Variants in CCDC40 observed in about 807,000 individuals in gnomAD.
CCDC40 encodes coiled-coil domain 40 molecular ruler complex subunit.
CCDC40 carries 104 observed loss-of-function variants against 124.5 expected under a neutral mutation model. The ratio of observed to expected loss-of-function variants is 0.84; its 90% CI spans 0.71 to 0.98. CCDC40 has a LOEUF of 0.98. Ranked by LOEUF, CCDC40 falls within the 50% of genes least tolerant of loss-of-function variation. The pLI, the probability that CCDC40 is intolerant of heterozygous loss-of-function variation, is 0.00. For synonymous variants in CCDC40, 580 were observed against 602.9 expected (o/e 0.96, Z 0.56); for missense variants, 1,463 against 1,503.9 (o/e 0.97, Z 0.45).
At chr17:80,057,195 C>T (rs1054618317) in intron 7 of CCDC40, among the ~76,000 whole-genome samples, 1 of 151,870 alleles carries the variant, frequency 6.6e-6, no homozygotes, top group Non-Finnish European at 1.5e-5. Context: ...TGGCATGATC[C>T]TCCCACCTCA....
chr17:80,040,012 A>C lies in CCDC40; in HGVS notation c.294A>C (p.Thr98=). 6.2e-7 allele frequency: 1 copy of C among 1,614,212 alleles called. No homozygotes were observed. The highest frequency in any genetic ancestry group is 8.5e-7 in the Non-Finnish European group (1 of 1,180,020). The change falls in exon 3 of 20, where the codon ACA becomes ACC. Residue 98 remains threonine (T), a synonymous_variant. Coordinates refer to ENST00000397545, the MANE Select transcript of CCDC40 (RefSeq NM_017950.4). Reference sequence around the variant, plus strand: ...AAAGCGAAGAGGAATATTACTATACAGAAACTTCATCCCCGGAAGGGCAAA... The same window carrying C: ...AAAGCGAAGAGGAATATTACTATACCGAAACTTCATCCCCGGAAGGGCAAA... The part of the protein sequence containing the change: ...DAESEEEYYY[T]ETSSPEGQIS...
At chr17:80,097,611 T>C in intron 19 of CCDC40, 1 of 600,428 alleles carries the variant, frequency 1.7e-6, no homozygotes, top group Non-Finnish European at 3.0e-6. Flanking sequence ...GGAGTATCTG[T>C]TATGGGCTGG....
intron 10 of CCDC40, among the ~76,000 whole-genome samples, chr17:80,076,173 T>G (rs997416484): frequency 2.0e-5 from 3 of 152,124 alleles, no homozygotes; most frequent in African/African-American, 7.2e-5. Context: ...CTTGCGTGGG[T>G]AAAATCCTAT....
chr17:80,084,301 GGA>G lies in CCDC40; in HGVS notation c.1990-434_1990-433del, dbSNP rs376836507. ...CAGGCACCTCCTTCACAAGGCAGCA[GGA>G]GAGAGAGTGTGTGTGAAGCAGGAAC... On this transcript the variant is annotated intron_variant, in intron 12 of 19. Transcript: ENST00000397545. Among the ~76,000 whole-genome samples the G allele has an allele frequency of 2.3e-3, 346 of 152,314 alleles. 3 individuals are homozygous for G. Among genetic ancestry groups the G allele is most frequent in the African/African-American group, 7.5e-3 (310 of 41,548 alleles).
At chr17:80,082,097 C>G in intron 12 of CCDC40, 39 bp downstream of exon 12, 1 of 1,594,032 alleles carries the variant, frequency 6.3e-7, no homozygotes, top group Non-Finnish European at 8.6e-7. Flanking sequence ...GCGAAGCCCC[C>G]TGCAGCCTGG....
chr17:80,038,267 A>C, intron 2 of CCDC40, 81 bp downstream of exon 2: 4 of 973,366 alleles, frequency 4.1e-6, no homozygotes, highest in Non-Finnish European at 6.5e-6. Context: ...ACTGTGGCTC[A>C]CGCCTGTAAT....
intron 7 of CCDC40, among the ~76,000 whole-genome samples, chr17:80,053,293 G>T (rs555998254): frequency 6.6e-6 from 1 of 152,182 alleles, no homozygotes; most frequent in Non-Finnish European, 1.5e-5. Context: ...GCTTCCAGGC[G>T]GGAAAACCCA....
intron 19 of CCDC40, among the ~76,000 whole-genome samples, chr17:80,098,510 G>A (rs60161044): frequency 0.35 from 53,299 of 152,210 alleles, 10,252 homozygotes; most frequent in African/African-American, 0.51. Context: ...AACATCGCCC[G>A]ATGGGATTCC....
chr17:80,049,771 C>A, intron 5 of CCDC40, 135 bp from the exon 6 acceptor site: 1 of 739,220 alleles, frequency 1.4e-6, no homozygotes, highest in Non-Finnish European at 2.4e-6. Flanking sequence ...GAATCCCAAG[C>A]AGAAGCAGGG....
In CCDC40 at chr17:80,084,806, A is replaced by G. The variant is rs764707273; in HGVS notation, c.2053A>G (p.Ser685Gly). The part of the protein sequence containing the change: ...AQTTLDITHT[S>G]SRLDAHQKTL... ...GACCACCCTGGACATCACACACACC[A>G]GCAGCAGGCTGGACGCACACCAGAA... The change falls in exon 13 of 20, where the codon AGC becomes GGC. Residue 685 changes from serine to glycine, a missense_variant. Coordinates refer to ENST00000397545, the MANE Select transcript of CCDC40 (RefSeq NM_017950.4). 321 of 1,614,104 alleles carry G rather than the reference A, an allele frequency of 2.0e-4. No individual in the cohort carries two copies. Among genetic ancestry groups the G allele is most frequent in the Non-Finnish European group, 2.6e-4 (311 of 1,180,046 alleles).
At chr17:80,042,079 G>A (rs1051711513) in intron 3 of CCDC40, among the ~76,000 whole-genome samples, 6 of 152,134 alleles carry the variant, frequency 3.9e-5, no homozygotes, top group South Asian at 2.1e-4. Flanking sequence ...GCTTACAAAC[G>A]TATACAGGTG....
At position 80,087,928 on chromosome 17, in the gene CCDC40, G is replaced by A. The variant is rs1017385926; in HGVS notation, c.2620-83G>A. On this transcript the variant is annotated intron_variant, in intron 15 of 19. Transcript: ENST00000397545. The surrounding 1 kb of genome is among the most constrained non-coding windows in gnomAD (Gnocchi z 4.5). ...AAATCCAGCCTGCAGCCCTGCCCTC[G>A]GTGCCGGGATAGAGGGCACCAGCCC... 2.1e-5 allele frequency: 27 copies of A among 1,302,740 alleles called. No individual in the cohort carries two copies. In the Middle Eastern group the frequency reaches 1.1e-3, roughly 51 times the overall value. The allele number at this position is 1,302,740 out of a possible 1,614,324, so 80.7% of individuals were successfully genotyped here. A position where few individuals can be genotyped will look rare whatever the true frequency, so the allele number is the denominator to read the frequency against.
intron 3 of CCDC40, among the ~76,000 whole-genome samples, chr17:80,041,599 C>G (rs912644877): frequency 2.6e-5 from 4 of 152,078 alleles, no homozygotes; most frequent in Non-Finnish European, 5.9e-5. Context: ...CCAATGATGT[C>G]TTTTGTAGCA....
chr17:80,099,250 C>A (rs562921390), intron 19 of CCDC40, among the ~76,000 whole-genome samples: 4 of 151,942 alleles, frequency 2.6e-5, no homozygotes, highest in East Asian at 3.9e-4. Flanking sequence ...GAGATCGCAC[C>A]GCTGCACTCC....
In CCDC40 at chr17:80,047,206, A is replaced by G. The variant is rs558467061; in HGVS notation, c.553-73A>G. ...GAGTCTGACAACTTTCACAAATGTA[A>G]TGAGTTAAAATTGAATAACTTCTCA... On this transcript the variant is annotated intron_variant, in intron 3 of 19. Coordinates refer to ENST00000397545, the MANE Select transcript of CCDC40 (RefSeq NM_017950.4). The G allele has an allele frequency of 5.3e-6, 8 of 1,502,942 alleles. No individual in the cohort carries two copies. In the African/African-American group the frequency reaches 7.0e-5, roughly 13 times the overall value. The allele number at this position is 1,502,942 out of a possible 1,614,324, so 93.1% of individuals were successfully genotyped here.
intron 17 of CCDC40, chr17:80,090,538 G>A: frequency 6.6e-7 from 1 of 1,518,212 alleles, no homozygotes; most frequent in Non-Finnish European, 8.8e-7. Flanking sequence ...TGTAATCACA[G>A]CACGCTGGTA....
In CCDC40 at chr17:80,095,322, G is replaced by A. The variant is rs146360951; in HGVS notation, c.2892G>A (p.Ala964=). 3.0e-4 allele frequency: 485 copies of A among 1,614,106 alleles called. 3 individuals are homozygous for A. The Middle Eastern group carries it at 5.6e-3, about 19-fold the overall frequency. The part of the protein sequence containing the change: ...QEKMIRAMEL[A]VARRETVTTQ... ...AGATGATCCGTGCCATGGAGTTGGC[G>A]GTTGCCCGCAGAGAGACCGTCACCA... The change falls in exon 18 of 20, where the codon GCG becomes GCA. Residue 964 remains alanine (A), a synonymous_variant. Coordinates refer to ENST00000397545, the MANE Select transcript of CCDC40 (RefSeq NM_017950.4).
At chr17:80,067,684 G>T (rs559808248) in intron 10 of CCDC40, 7 of 1,535,682 alleles carry the variant, frequency 4.6e-6, no homozygotes, top group Non-Finnish European at 6.1e-6. Context: ...GAATGCTAAC[G>T]CTCACCAGGA....
chr17:80,047,291 G>A lies in CCDC40; in HGVS notation c.565G>A (p.Glu189Lys), dbSNP rs372456780. 2 of 1,613,996 alleles carry A rather than the reference G, an allele frequency of 1.2e-6. No homozygotes were observed. Residue 189 changes from glutamate (E) to lysine (K), a missense_variant, in exon 4 of 20, where the codon GAG (glutamate) becomes AAG (lysine). By Grantham distance (56) the Glu-to-Lys change is moderately conservative. Transcript: ENST00000397545. ...PAVGRLTGST[E>K]EPQGQVLPMG... Reference sequence around the variant, plus strand: ...GTTCTTGCCATAGACAGGATCCACAGAGGAGCCCCAGGGGCAGGTGCTCCC... The same window carrying A: ...GTTCTTGCCATAGACAGGATCCACAAAGGAGCCCCAGGGGCAGGTGCTCCC...
Sources: gnomAD v4.1 joint callset for allele counts (sites outside exome capture counted in the v4.1 genomes callset) on GRCh38, gnomAD v4.1.1 for gene constraint, Gnocchi (gnomAD v3.1) non-coding constraint, MANE v1.5 for transcripts, NCBI Gene and HGNC (gene_info 2026-07-23, HGNC 2026-07-21) for gene names.